The following CCDC171 variants were observed in gnomAD, a reference collection of about 807,000 sequenced individuals.
CCDC171 encodes coiled-coil domain containing 171.
A neutral mutation model predicts 168.2 loss-of-function variants in CCDC171; 177 were observed. That is an observed-to-expected ratio of 1.05 (90% CI 0.93 to 1.19). The LOEUF (loss-of-function observed/expected upper bound fraction) is 1.19, where lower values mean the gene tolerates loss of function less well. Ranked by LOEUF, CCDC171 falls within the 50% of genes most tolerant of loss-of-function variation. The pLI is 0.00. For synonymous variants in CCDC171, 687 were observed against 540.8 expected, an observed-to-expected ratio of 1.27 and a Z score of -3.75; for missense variants, 1,991 against 1,539.0, an observed-to-expected ratio of 1.29 and a Z score of -4.91.
chr9:15,697,881 C>T (rs2051336348), intron 11 of CCDC171, among the ~76,000 whole-genome samples: 1 of 152,116 alleles, frequency 6.6e-6, no homozygotes, highest in African/African-American at 2.4e-5. Flanking sequence ...AATAATTTTA[C>T]ATACTTTCAT....
chr9:15,896,946 A>G (rs1820991360), intron 24 of CCDC171, among the ~76,000 whole-genome samples: 1 of 152,100 alleles, frequency 6.6e-6, no homozygotes, highest in South Asian at 2.1e-4. Context: ...TTTATATAAA[A>G]GAAAGGTCAT....
At chr9:15,666,946 A>C (rs1412375383) in intron 9 of CCDC171, among the ~76,000 whole-genome samples, 1 of 152,200 alleles carries the variant, frequency 6.6e-6, no homozygotes, top group Non-Finnish European at 1.5e-5. Flanking sequence ...CTAGCATTGC[A>C]GTTTCATTTG....
intron 7 of CCDC171, among the ~76,000 whole-genome samples, chr9:15,627,217 A>G (rs1479407799): frequency 6.6e-6 from 1 of 150,534 alleles, no homozygotes; most frequent in Non-Finnish European, 1.5e-5. Context: ...TTTCTTCTTT[A>G]TTAGTCTTGC....
At chr9:15,888,052 T>C (rs1819668950) in intron 24 of CCDC171, 1 of 152,240 alleles carries the variant, frequency 6.6e-6, no homozygotes, top group South Asian at 2.1e-4. Flanking sequence ...CTGTGCAGCG[T>C]GACTGGCCGC....
chr9:15,975,055 C>A (rs1276493797), downstream of CCDC171, among the ~76,000 whole-genome samples: 1 of 152,134 alleles, frequency 6.6e-6, no homozygotes, highest in Non-Finnish European at 1.5e-5. Context: ...AGATGCGTAC[C>A]ACTGTGCCCT....
intron 20 of CCDC171, among the ~76,000 whole-genome samples, chr9:15,783,814 G>T (rs1209930968): frequency 2.6e-5 from 4 of 152,156 alleles, no homozygotes; most frequent in Admixed American, 2.0e-4. Context: ...TGTAGATTTT[G>T]TTGGCAGATG....
At chr9:15,635,557 G>C (rs1210910648) in intron 7 of CCDC171, among the ~76,000 whole-genome samples, 1 of 152,114 alleles carries the variant, frequency 6.6e-6, no homozygotes, top group Non-Finnish European at 1.5e-5. Flanking sequence ...CAGCTGATTA[G>C]ATGGTGCCCA....
At position 15,721,755 on chromosome 9, in the gene CCDC171, A is replaced by G. The variant is rs371703192; in HGVS notation, c.1319-14A>G. ...GACTTTAAGGGTATATTTTCATCCT[A>G]TATTTTTCTCTAGGCATCCACAAGG... On this transcript the variant is annotated splice_polypyrimidine_tract_variant and intron_variant, in intron 11 of 25. Transcript: ENST00000380701. The G allele has an allele frequency of 4.2e-5, 63 of 1,483,988 alleles. No homozygotes were observed. The East Asian group carries it at 6.7e-4, about 16-fold the overall frequency. 91.9% of individuals were successfully genotyped at this position (1,483,988 alleles called of 1,614,324 possible).
At chr9:15,662,122 CAA>C (rs2048364061) in intron 8 of CCDC171, among the ~76,000 whole-genome samples, 1 of 152,180 alleles carries the variant, frequency 6.6e-6, no homozygotes, top group Middle Eastern at 3.4e-3. Flanking sequence ...GCTAAAAATA[CAA>C]AAGTTACCTG....
At chr9:15,614,946 T>G (rs190288298) in intron 6 of CCDC171, among the ~76,000 whole-genome samples, 6 of 152,318 alleles carry the variant, frequency 3.9e-5, no homozygotes, top group African/African-American at 1.4e-4. Context: ...TGGCCCATAT[T>G]GTTTTACCAA....
At chr9:15,686,085 C>G (rs2050375220) in intron 10 of CCDC171, among the ~76,000 whole-genome samples, 6 of 152,106 alleles carry the variant, frequency 3.9e-5, no homozygotes, top group Admixed American at 3.9e-4. Flanking sequence ...AGATTGAGCT[C>G]TATACTTGAA....
chr9:15,696,989 T>C (rs1052118587), intron 11 of CCDC171, among the ~76,000 whole-genome samples: 1 of 152,218 alleles, frequency 6.6e-6, no homozygotes, highest in African/African-American at 2.4e-5. Context: ...TTCTCTCCTT[T>C]ACACCCTTCT....
intron 25 of CCDC171, among the ~76,000 whole-genome samples, chr9:15,947,354 C>T (rs1828529016): frequency 6.6e-6 from 1 of 151,844 alleles, no homozygotes; most frequent in Non-Finnish European, 1.5e-5. Context: ...AGTAATTTCC[C>T]ATTTCCCCCA....
chr9:15,743,555 T>G (rs1401817407), intron 16 of CCDC171, among the ~76,000 whole-genome samples: 2 of 152,212 alleles, frequency 1.3e-5, no homozygotes, highest in South Asian at 4.1e-4. Context: ...TTCTAGTGAT[T>G]AATTGTGGTT....
chr9:15,751,114 A>G (rs926338306), intron 18 of CCDC171, among the ~76,000 whole-genome samples: 2 of 152,230 alleles, frequency 1.3e-5, no homozygotes, highest in African/African-American at 4.8e-5. Context: ...AATCACAGGC[A>G]TTCCTATACA....
At chr9:15,969,152 C>A (rs1474508746) in intron 25 of CCDC171, among the ~76,000 whole-genome samples, 2 of 152,110 alleles carry the variant, frequency 1.3e-5, no homozygotes, top group African/African-American at 4.8e-5. Context: ...AATAACACCC[C>A]ATTTCAAGGT....
downstream of CCDC171, among the ~76,000 whole-genome samples, chr9:15,978,277 C>G (rs1346533157): frequency 1.3e-5 from 2 of 152,146 alleles, no homozygotes; most frequent in African/African-American, 2.4e-5. Context: ...AGAGAGATTC[C>G]TATGAAGCAG....
intron 25 of CCDC171, among the ~76,000 whole-genome samples, chr9:15,925,042 G>T (rs1187615073): frequency 6.6e-6 from 1 of 151,308 alleles, no homozygotes; most frequent in Non-Finnish European, 1.5e-5. Context: ...TTTTTGGTGG[G>T]CACAGTTCTG....
At chr9:15,710,100 TA>T (rs1221364852) in intron 11 of CCDC171, among the ~76,000 whole-genome samples, 2 of 152,170 alleles carry the variant, frequency 1.3e-5, no homozygotes, top group Admixed American at 1.3e-4. Context: ...ACTTTGACTC[TA>T]AAAAATGAAG....
Sources: gnomAD v4.1 joint callset for allele counts (sites outside exome capture counted in the v4.1 genomes callset) on GRCh38, gnomAD v4.1.1 for gene constraint, MANE v1.5 for transcripts, NCBI Gene and HGNC (gene_info 2026-07-23, HGNC 2026-07-21) for gene names.